The following KIAA1549L variants were observed in gnomAD, a reference collection of about 807,000 sequenced individuals.
The protein encoded by KIAA1549L is KIAA1549 like, also known as UPF0606 protein KIAA1549L.
Under a neutral mutation model 160.7 loss-of-function variants are expected in KIAA1549L, and 88 were observed. The ratio of observed to expected loss-of-function variants is 0.55; its 90% CI spans 0.46 to 0.65. KIAA1549L has a LOEUF of 0.65. KIAA1549L is among the 30% of genes least tolerant of loss of function. KIAA1549L has a pLI of 0.00. For synonymous variants in KIAA1549L, 950 were observed against 976.7 expected, an observed-to-expected ratio of 0.97 and a Z score of 0.51; for missense variants, 2,258 against 2,437.5, an observed-to-expected ratio of 0.93 and a Z score of 1.55.
intron 1 of KIAA1549L, among the ~76,000 whole-genome samples, chr11:33,400,745 A>T (rs1223862188): frequency 1.3e-5 from 2 of 152,244 alleles, no homozygotes; most frequent in East Asian, 3.8e-4. Context: ...TTATAGTAAT[A>T]GTAATAGTTT....
intron 1 of KIAA1549L, among the ~76,000 whole-genome samples, chr11:33,528,371 G>C (rs1047537886): frequency 8.5e-5 from 13 of 152,346 alleles, no homozygotes; most frequent in African/African-American, 2.9e-4. Flanking sequence ...CTTCTACACT[G>C]TTGGTGGGAA....
intron 1 of KIAA1549L, among the ~76,000 whole-genome samples, chr11:33,418,622 G>A (rs1015472674): frequency 6.6e-6 from 1 of 152,152 alleles, no homozygotes; most frequent in African/African-American, 2.4e-5. Flanking sequence ...TATAGGCAGC[G>A]AGGGACCACA....
chr11:33,456,569 C>T (rs1380179451), intron 1 of KIAA1549L, among the ~76,000 whole-genome samples: 1 of 152,060 alleles, frequency 6.6e-6, no homozygotes, highest in African/African-American at 2.4e-5. Flanking sequence ...AGCCACCACC[C>T]CTGGTCAATT....
At chr11:33,573,107 A>G (rs2133244529) in intron 9 of KIAA1549L, among the ~76,000 whole-genome samples, 1 of 152,260 alleles carries the variant, frequency 6.6e-6, no homozygotes, top group South Asian at 2.1e-4. Context: ...TCTTTTGCCC[A>G]TTTTCTATTG....
At chr11:33,462,392 A>G (rs886679100) in intron 1 of KIAA1549L, among the ~76,000 whole-genome samples, 4 of 152,238 alleles carry the variant, frequency 2.6e-5, no homozygotes, top group African/African-American at 9.6e-5. Context: ...CAACAAAATC[A>G]TCTGCAACAT....
At chr11:33,501,992 G>A (rs1316497219) in intron 1 of KIAA1549L, among the ~76,000 whole-genome samples, 1 of 152,122 alleles carries the variant, frequency 6.6e-6, no homozygotes, top group African/African-American at 2.4e-5. Context: ...AAGATGATAT[G>A]GGAGGAAAGA....
At position 33,608,228 on chromosome 11, in the gene KIAA1549L, T is replaced by C. The variant is rs1850559111; in HGVS notation, c.5061+1406T>C. ...ATCTCCGTTTATAAAATAGGGCTGCTGTGAAGATCAAATTGTTTAATATAT... is the reference window on the plus strand; with the variant it reads ...ATCTCCGTTTATAAAATAGGGCTGCCGTGAAGATCAAATTGTTTAATATAT... On this transcript the variant is annotated intron_variant, in intron 14 of 20. Transcript: ENST00000658780. Among the ~76,000 whole-genome samples, 5 of 152,264 alleles carry C rather than the reference T, an allele frequency of 3.3e-5. No individual in the cohort carries two copies. In the South Asian group the frequency reaches 1.0e-3, roughly 31 times the overall value.
intron 16 of KIAA1549L, among the ~76,000 whole-genome samples, chr11:33,619,383 T>A (rs899552680): frequency 1.3e-5 from 2 of 152,194 alleles, no homozygotes; most frequent in Non-Finnish European, 2.9e-5. Flanking sequence ...TCCTTCCCAT[T>A]CCCCTAAAAT....
chr11:33,591,669 A>G (rs572450517), intron 12 of KIAA1549L, among the ~76,000 whole-genome samples: 1 of 152,388 alleles, frequency 6.6e-6, no homozygotes, highest in African/African-American at 2.4e-5. Flanking sequence ...TATATTTACT[A>G]TAGCAAATTT....
At chr11:33,428,912 C>T (rs1851174552) in intron 1 of KIAA1549L, among the ~76,000 whole-genome samples, 1 of 152,188 alleles carries the variant, frequency 6.6e-6, no homozygotes, top group Non-Finnish European at 1.5e-5. Context: ...TTTACACTCC[C>T]ACCAACAGTG....
intron 2 of KIAA1549L, 130 bp downstream of exon 2, chr11:33,544,466 C>T: frequency 2.0e-6 from 2 of 1,005,562 alleles, no homozygotes; most frequent in Admixed American, 2.4e-5. Context: ...TACCCCCGAT[C>T]AGGAATGAGT....
chr11:33,395,324 C>T (rs2761214), intron 1 of KIAA1549L, among the ~76,000 whole-genome samples: 7,596 of 152,190 alleles, frequency 0.05, 276 homozygotes, highest in African/African-American at 0.11. Flanking sequence ...GTTCATAACG[C>T]GCTTAACTCT....
chr11:33,614,544 A>C (rs1284597949), intron 15 of KIAA1549L, among the ~76,000 whole-genome samples: 1,566 of 8,070 alleles, frequency 0.19, 314 homozygotes, highest in African/African-American at 0.22. Flanking sequence ...ATATATATAT[A>C]TATATATATA....
chr11:33,457,762 G>T lies in KIAA1549L; in HGVS notation c.238+80873G>T, dbSNP rs147421477. 3.0e-3 allele frequency among the ~76,000 whole-genome samples: 457 copies of T among 152,282 alleles called. 2 individuals carry two copies. The highest frequency in any genetic ancestry group is 0.027 in the Middle Eastern group (8 of 294). On this transcript the variant is annotated intron_variant, in intron 1 of 20. Coordinates refer to ENST00000658780, the MANE Select transcript of KIAA1549L (RefSeq NM_012194.3). Reference sequence around the variant, plus strand: ...GAGGTGGTGATGTCTTCTGACCTAGGTTTTGAAAGAGGAATTGGATATGCC... The same window carrying T: ...GAGGTGGTGATGTCTTCTGACCTAGTTTTTGAAAGAGGAATTGGATATGCC...
At chr11:33,606,151 C>T (rs1373512071) in intron 13 of KIAA1549L, among the ~76,000 whole-genome samples, 2 of 152,058 alleles carry the variant, frequency 1.3e-5, no homozygotes, top group Non-Finnish European at 1.5e-5. Context: ...ATGTCAGCCA[C>T]TATAACTGTG....
intron 1 of KIAA1549L, among the ~76,000 whole-genome samples, chr11:33,416,964 A>G (rs1325874964): frequency 6.6e-6 from 1 of 152,140 alleles, no homozygotes; most frequent in Non-Finnish European, 1.5e-5. Context: ...GTGACATTAG[A>G]GGGGTCACAG....
intron 1 of KIAA1549L, among the ~76,000 whole-genome samples, chr11:33,452,918 A>G (rs1228150828): frequency 6.6e-6 from 1 of 152,142 alleles, no homozygotes; most frequent in Non-Finnish European, 1.5e-5. Flanking sequence ...CTCTTGATGA[A>G]GTGAGAGCTT....
chr11:33,431,210 C>T (rs554300435), intron 1 of KIAA1549L, among the ~76,000 whole-genome samples: 1 of 152,246 alleles, frequency 6.6e-6, no homozygotes, highest in African/African-American at 2.4e-5. Flanking sequence ...AGTGTGGACC[C>T]AAAGAGTGAG....
In KIAA1549L at chr11:33,433,470, A is replaced by T. The variant is rs141505768; in HGVS notation, c.238+56581A>T. 1.1e-3 allele frequency among the ~76,000 whole-genome samples: 162 copies of T among 152,296 alleles called. 1 individual carries two copies. The highest frequency in any genetic ancestry group is 3.8e-3 in the African/African-American group (156 of 41,568). ...GCTGGTGAGGTTGTGGAGAAATAGG[A>T]ACGCTTTTACACTGTTGGTGGGAAT... is the stretch of plus-strand genomic sequence containing the variant. On this transcript the variant is annotated intron_variant, in intron 1 of 20. Transcript: ENST00000658780.
Sources: allele counts gnomAD v4.1 joint callset (sites outside exome capture counted in the v4.1 genomes callset), GRCh38; gene constraint gnomAD v4.1.1; transcripts MANE v1.5; gene names NCBI Gene and HGNC (gene_info 2026-07-23, HGNC 2026-07-21).